The following TSPAN16 variants were observed in gnomAD, a reference collection of about 807,000 sequenced individuals.
TSPAN16 encodes the protein tetraspanin 16, also known as tetraspanin-16.
A neutral mutation model predicts 25.2 loss-of-function variants in TSPAN16; 23 were observed. The ratio of observed to expected loss-of-function variants is 0.91; its 90% CI spans 0.66 to 1.29. The LOEUF is 1.29. Among genes scored for constraint, TSPAN16 ranks in the 50% most tolerant of loss-of-function variants. The pLI is 0.00. For missense variants in TSPAN16, 272 were observed against 299.9 expected, an observed-to-expected ratio of 0.91 and a Z score of 0.69; for synonymous variants, 123 against 124.4, an observed-to-expected ratio of 0.99 and a Z score of 0.08.
At chr19:11,325,065 C>T (rs1002518076) in intron 6 of TSPAN16, 9 of 236,114 alleles carry the variant, frequency 3.8e-5, no homozygotes, top group African/African-American at 1.8e-4. Context: ...GAAGGCACCA[C>T]GGATGCCCCT....
chr19:11,315,307 C>T (rs2080736511), intron 6 of TSPAN16, among the ~76,000 whole-genome samples: 1 of 149,474 alleles, frequency 6.7e-6, no homozygotes, highest in Admixed American at 6.7e-5. Context: ...CCTGTAATCC[C>T]AGCACTGTGG....
intron 6 of TSPAN16, chr19:11,322,058 C>T (rs956720878): frequency 1.3e-5 from 2 of 152,102 alleles, no homozygotes; most frequent in African/African-American, 4.8e-5. Flanking sequence ...GAAATAAAAG[C>T]ACAACTATAT....
intron 1 of TSPAN16, among the ~76,000 whole-genome samples, chr19:11,296,880 A>G (rs960986869): frequency 6.6e-6 from 1 of 152,050 alleles, no homozygotes; most frequent in African/African-American, 2.4e-5. Flanking sequence ...TCTACTAAAA[A>G]TACAAAAAAA....
intron 4 of TSPAN16, among the ~76,000 whole-genome samples, chr19:11,302,223 A>G (rs2080559132): frequency 6.6e-6 from 1 of 151,844 alleles, no homozygotes; most frequent in Admixed American, 6.6e-5. Flanking sequence ...TATCTTCCCA[A>G]ACTAAAACTC....
At chr19:11,303,791 TG>T (rs1403167239) in intron 4 of TSPAN16, among the ~76,000 whole-genome samples, 1 of 151,326 alleles carries the variant, frequency 6.6e-6, no homozygotes, top group Admixed American at 6.6e-5. Flanking sequence ...TTTCTGGGTT[TG>T]TTTTTTTTTG....
At chr19:11,315,295 C>A (rs1485962432) in intron 6 of TSPAN16, among the ~76,000 whole-genome samples, 1 of 149,150 alleles carries the variant, frequency 6.7e-6, no homozygotes, top group African/African-American at 2.5e-5. Flanking sequence ...CGGTGGCTCA[C>A]GCCTGTAATC....
intron 4 of TSPAN16, among the ~76,000 whole-genome samples, chr19:11,302,983 G>C (rs1465951776): frequency 6.7e-6 from 1 of 150,368 alleles, no homozygotes; most frequent in African/African-American, 2.5e-5. Context: ...GAGGTGAGGG[G>C]CGCCTCTGCC....
At chr19:11,302,528 CAAAA>C (rs71164181) in intron 4 of TSPAN16, among the ~76,000 whole-genome samples, 4 of 49,280 alleles carry the variant, frequency 8.1e-5, no homozygotes, top group African/African-American at 1.6e-4. Context: ...GGCTCCATCT[CAAAA>C]AAAAAAAAAA....
In TSPAN16 at chr19:11,301,235, C is replaced by A. The variant is rs775332479; in HGVS notation, c.377C>A (p.Thr126Asn). The A allele has an allele frequency of 6.8e-6, 11 of 1,613,862 alleles. No individual in the cohort carries two copies. The highest frequency in any genetic ancestry group is 6.6e-5 in the South Asian group (6 of 91,066). The part of the protein sequence containing the change: ...GDVALEHTFV[T>N]LRKNYRGYNE... ...GTGGCCTTGGAACACACCTTCGTGA[C>A]CCTGAGGAAGAATTACAGAGGTTAC... Residue 126 changes from threonine to asparagine, a missense_variant, in exon 4 of 7, where the codon ACC becomes AAC. By Grantham distance (65) the Thr-to-Asn change is moderately conservative (BLOSUM62 0). Transcript: ENST00000590327.
chr19:11,325,371 G>A lies in TSPAN16; in HGVS notation c.688-1423G>A, dbSNP rs545455413. 1.0e-4 allele frequency: 144 copies of A among 1,441,146 alleles called. No homozygotes were observed. In the African/African-American group the frequency reaches 1.9e-3, roughly 19 times the overall value. 89.3% of individuals were successfully genotyped at this position (1,441,146 alleles called of 1,614,324 possible). A position where few individuals can be genotyped will look rare whatever the true frequency, so the allele number is the denominator to read the frequency against. On this transcript the variant is annotated intron_variant, in intron 6 of 6. Coordinates refer to the TSPAN16 transcript ENST00000316737. Reference sequence around the variant, plus strand: ...CACAGTCCCTGCCGAGGCAGGAGAGGGGTGGGTGGGGGGTTGGGGGCCATC... The same window carrying A: ...CACAGTCCCTGCCGAGGCAGGAGAGAGGTGGGTGGGGGGTTGGGGGCCATC...
At chr19:11,302,710 C>T (rs1394959422) in intron 4 of TSPAN16, among the ~76,000 whole-genome samples, 4 of 139,134 alleles carry the variant, frequency 2.9e-5, no homozygotes, top group African/African-American at 5.4e-5. Context: ...CACACACATA[C>T]ATATATATAT....
rs1392150316 is a variant in TSPAN16, at chr19:11,303,427, C to T, written c.450+2119C>T. ...CAGGGACACAAACACTGCGGAAGGC[C>T]GCAGGGTCCTCTGCCTAGGAAAACC... On this transcript the variant is annotated intron_variant, in intron 4 of 6. Transcript: ENST00000590327. Among the ~76,000 whole-genome samples, 3 of 145,422 alleles carry T rather than the reference C, an allele frequency of 2.1e-5. No homozygotes were observed. In the East Asian group the frequency reaches 5.9e-4, roughly 29 times the overall value.
At chr19:11,322,541 G>A (rs1267716730) in intron 6 of TSPAN16, 1 of 152,146 alleles carries the variant, frequency 6.6e-6, no homozygotes. Flanking sequence ...TAATGTGTCT[G>A]TAAACTCAAC....
intron 6 of TSPAN16, chr19:11,325,614 G>GT: frequency 6.9e-7 from 1 of 1,447,124 alleles, no homozygotes; most frequent in Non-Finnish European, 9.1e-7. Context: ...GGGGACACTC[G>GT]TAAGACCCCT....
chr19:11,310,194 CA>C (rs201460653), intron 5 of TSPAN16, among the ~76,000 whole-genome samples: 2,355 of 152,072 alleles, frequency 0.015, 39 homozygotes, highest in Non-Finnish European at 0.023. Context: ...TGAGATGTGC[CA>C]GGGGCCTAGA....
intron 4 of TSPAN16, among the ~76,000 whole-genome samples, chr19:11,302,764 G>C (rs555042738): frequency 5.3e-5 from 8 of 150,050 alleles, no homozygotes; most frequent in African/African-American, 2.0e-4. Context: ...TGTTGCCCAG[G>C]CTGGAGTGCG....
At position 11,315,837 on chromosome 19, in the gene TSPAN16, G is replaced by A. The variant is rs2080744116; in HGVS notation, c.734G>A (p.Ter245=). Residue 245 remains the stop codon, a stop_retained_variant, in exon 7 of 7, where the codon TGA becomes TAA. Transcript: ENST00000590327. ...ATLLLFIKLG[*] Reference sequence around the variant, plus strand: ...TTGCTGCTGTTTATCAAGCTGGGCTGACACCCAGGCCTGGAGAAGATGAGA... The same window carrying A: ...TTGCTGCTGTTTATCAAGCTGGGCTAACACCCAGGCCTGGAGAAGATGAGA... 8.1e-7 allele frequency: 1 copy of A among 1,231,932 alleles called. No individual in the cohort carries two copies. The highest frequency in any genetic ancestry group is 1.0e-6 in the Non-Finnish European group (1 of 987,850). 76.3% of individuals were successfully genotyped at this position (1,231,932 alleles called of 1,614,324 possible). A position where few individuals can be genotyped will look rare whatever the true frequency, so the allele number is the denominator to read the frequency against.
intron 3 of TSPAN16, among the ~76,000 whole-genome samples, chr19:11,300,122 C>T (rs2080528174): frequency 4.6e-5 from 7 of 152,166 alleles, no homozygotes; most frequent in Admixed American, 4.6e-4. Flanking sequence ...GGAGGCGGCT[C>T]TCTGGGCACC....
rs367765158 is a variant in TSPAN16, at chr19:11,298,231, C to T, written c.159C>T (p.Tyr53=). ...ATGTCCTCGGGCTGTCCTCCGCATACCTCCTTCACGTTGGCAACCTGTGCC... is the reference window on the plus strand; with the variant it reads ...ATGTCCTCGGGCTGTCCTCCGCATATCTCCTTCACGTTGGCAACCTGTGCC... ...LTNVLGLSSA[Y]LLHVGNLCLV... Residue 53 remains tyrosine (Y), a synonymous_variant, in exon 2 of 7, where the codon TAC becomes TAT. Transcript: ENST00000590327. 532 of 1,614,186 alleles carry T rather than the reference C, an allele frequency of 3.3e-4. 1 individual carries two copies. Among genetic ancestry groups the T allele is most frequent in the Non-Finnish European group, 4.3e-4 (513 of 1,180,034 alleles).
Sources: allele counts gnomAD v4.1 joint callset (sites outside exome capture counted in the v4.1 genomes callset), GRCh38; gene constraint gnomAD v4.1.1; transcripts MANE v1.5; gene names NCBI Gene and HGNC (gene_info 2026-07-23, HGNC 2026-07-21).